The following LRRC61 variants were observed in gnomAD, a reference collection of about 807,000 sequenced individuals.
LRRC61 encodes leucine rich repeat containing 61.
LRRC61 carries 9 observed loss-of-function variants against 15.1 expected under a neutral mutation model. That is an observed-to-expected ratio of 0.60 (90% confidence interval 0.36 to 1.04). The LOEUF (loss-of-function observed/expected upper bound fraction) is 1.04, where lower values mean the gene tolerates loss of function less well. Among genes scored for constraint, LRRC61 ranks in the 50% least tolerant of loss-of-function variants. LRRC61 has a pLI of 0.01. For synonymous variants in LRRC61, 173 were observed against 158.6 expected, an observed-to-expected ratio of 1.09 and a Z score of -0.68; for missense variants, 344 against 335.6, an observed-to-expected ratio of 1.03 and a Z score of -0.20.
chr7:150,321,126 T>A (rs1159802391), upstream of LRRC61, among the ~76,000 whole-genome samples: 1 of 152,152 alleles, frequency 6.6e-6, no homozygotes, highest in Non-Finnish European at 1.5e-5. Context: ...CACCTCGGCT[T>A]GTGTTCAGCA....
chr7:150,322,663 C>A (rs1797661262), upstream of LRRC61: 2 of 152,258 alleles, frequency 1.3e-5, no homozygotes, highest in South Asian at 4.1e-4. Context: ...AAATGGGTAA[C>A]CAGTAGCCCT....
At chr7:150,313,909 C>G in the LRRC61 span, among the ~76,000 whole-genome samples, 1 of 152,170 alleles carries the variant, frequency 6.6e-6, no homozygotes, top group Admixed American at 6.5e-5. Flanking sequence ...CCAGTTTTTG[C>G]AAGGGACTTG....
chr7:150,322,055 C>T (rs768840796), upstream of LRRC61, among the ~76,000 whole-genome samples: 3 of 152,218 alleles, frequency 2.0e-5, no homozygotes, highest in Non-Finnish European at 4.4e-5. Context: ...GACAAACAGG[C>T]ATTTTGTGCT....
chr7:150,310,079 T>A, the LRRC61 span, among the ~76,000 whole-genome samples: 1 of 152,170 alleles, frequency 6.6e-6, no homozygotes, highest in Non-Finnish European at 1.5e-5. Flanking sequence ...TGCACTTTTT[T>A]AGTTATCCCC....
the LRRC61 span, among the ~76,000 whole-genome samples, chr7:150,311,870 G>C: frequency 6.6e-6 from 1 of 152,158 alleles, no homozygotes; most frequent in Non-Finnish European, 1.5e-5. Context: ...CCAAAGGAAT[G>C]CACATTAACA....
At chr7:150,328,688 C>G (rs1798019505) in intron 2 of LRRC61, 1 of 152,220 alleles carries the variant, frequency 6.6e-6, no homozygotes. Context: ...GCTGTGCACA[C>G]CACATGAAGA....
rs779433896 is a variant in LRRC61, at chr7:150,337,792, C to T, written c.*151C>T. On this transcript the variant is annotated 3_prime_UTR_variant, in exon 3 of 3. Transcript: ENST00000359623. The stretch of plus-strand genomic sequence containing the variant: ...ATCCCTATCCTGAGAGCAGCCCCTC[C>T]CCACCATCCCTCCACATGCTGCAAG... The T allele has an allele frequency of 1.9e-5, 15 of 801,098 alleles. No individual in the cohort carries two copies. The highest frequency in any genetic ancestry group is 2.9e-5 in the Non-Finnish European group (15 of 518,004). The allele number at this position is 801,098 out of a possible 1,614,324, so 49.6% of individuals were successfully genotyped here.
At chr7:150,315,007 T>C in the LRRC61 span, among the ~76,000 whole-genome samples, 2 of 147,132 alleles carry the variant, frequency 1.4e-5, no homozygotes, top group Admixed American at 1.4e-4. Flanking sequence ...TAAATATTAT[T>C]AAATAATAAA....
At chr7:150,336,620 T>C (rs148384366) in intron 2 of LRRC61, 98 bp from the exon 3 acceptor site, 10 of 574,816 alleles carry the variant, frequency 1.7e-5, no homozygotes, top group African/African-American at 1.7e-4. Context: ...TGGCTGAGAT[T>C]GTTGGTTTTC....
At chr7:150,322,089 G>A (rs762387088), upstream of LRRC61, among the ~76,000 whole-genome samples, 2 of 152,196 alleles carry the variant, frequency 1.3e-5, no homozygotes, top group Admixed American at 6.5e-5. Context: ...TGACTTCTTC[G>A]GCTCCCACAC....
chr7:150,310,916 G>A, the LRRC61 span, among the ~76,000 whole-genome samples: 2 of 152,074 alleles, frequency 1.3e-5, no homozygotes, highest in Non-Finnish European at 2.9e-5. Flanking sequence ...AGGCTCAAAT[G>A]TCTTCCCCTA....
At chr7:150,313,087 C>T in the LRRC61 span, among the ~76,000 whole-genome samples, 4 of 152,200 alleles carry the variant, frequency 2.6e-5, no homozygotes, top group Non-Finnish European at 5.9e-5. Context: ...ACCCCGTAAC[C>T]CCCTCCTCTG....
chr7:150,331,733 G>C (rs531150061), intron 2 of LRRC61: 1 of 167,362 alleles, frequency 6.0e-6, no homozygotes, highest in Non-Finnish European at 1.5e-5. Context: ...CAAGGATGTG[G>C]AGTGGGCATG....
intron 2 of LRRC61, among the ~76,000 whole-genome samples, chr7:150,329,262 A>G (rs765643785): frequency 1.2e-4 from 18 of 152,250 alleles, no homozygotes; most frequent in Non-Finnish European, 2.1e-4. Context: ...GTACCTGAGA[A>G]GAGTAAAGAG....
the LRRC61 span, among the ~76,000 whole-genome samples, chr7:150,311,791 C>T: frequency 3.9e-5 from 6 of 152,344 alleles, no homozygotes; most frequent in African/African-American, 1.4e-4. Context: ...ATCAAGGCTG[C>T]TGCACTTCCT....
At chr7:150,320,362 G>A (rs759847414), upstream of LRRC61, among the ~76,000 whole-genome samples, 2 of 152,296 alleles carry the variant, frequency 1.3e-5, no homozygotes, top group East Asian at 1.9e-4. Flanking sequence ...GCTTGTGATC[G>A]GCTTGTGACA....
intron 2 of LRRC61, chr7:150,331,880 C>T (rs911832419): frequency 2.4e-5 from 4 of 167,110 alleles, no homozygotes; most frequent in Admixed American, 6.5e-5. Context: ...CACACATACC[C>T]CCACACACCA....
chr7:150,329,019 A>G (rs76576996), intron 2 of LRRC61, among the ~76,000 whole-genome samples: 5,920 of 152,242 alleles, frequency 0.039, 253 homozygotes, highest in East Asian at 0.13. Context: ...TCCACTAGCC[A>G]GAGATCAAGT....
At chr7:150,310,601 G>A in the LRRC61 span, among the ~76,000 whole-genome samples, 1 of 151,278 alleles carries the variant, frequency 6.6e-6, no homozygotes, top group Admixed American at 6.6e-5. Context: ...CGACCTCAAA[G>A]ATGCCTTCTT....
Sources: gnomAD v4.1 joint callset for allele counts (sites outside exome capture counted in the v4.1 genomes callset) on GRCh38, gnomAD v4.1.1 for gene constraint, MANE v1.5 for transcripts, NCBI Gene and HGNC (gene_info 2026-07-23, HGNC 2026-07-21) for gene names.